Variants in LAMB4 observed in about 807,000 individuals in gnomAD.
The protein encoded by LAMB4 is laminin subunit beta-4.
LAMB4 carries 196 observed loss-of-function variants against 199.2 expected under a neutral mutation model. The ratio of observed to expected loss-of-function variants is 0.98; its 90% CI spans 0.88 to 1.11. LAMB4 has a LOEUF of 1.11. Among genes scored for constraint, LAMB4 ranks in the 50% least tolerant of loss-of-function variants. The pLI, the probability that LAMB4 is intolerant of heterozygous loss-of-function variation, is 0.00. For missense variants in LAMB4, 2,080 were observed against 2,171.2 expected (o/e 0.96, Z 0.83); for synonymous variants, 744 against 770.6 (o/e 0.97, Z 0.57).
intron 3 of LAMB4, among the ~76,000 whole-genome samples, chr7:108,113,433 G>A (rs2038300085): frequency 6.6e-6 from 1 of 152,182 alleles, no homozygotes; most frequent in Non-Finnish European, 1.5e-5. Flanking sequence ...CCCTTCGAGA[G>A]ATTCATATAA....
intron 28 of LAMB4, among the ~76,000 whole-genome samples, chr7:108,047,526 C>T (rs1032018780): frequency 1.3e-5 from 2 of 152,088 alleles, no homozygotes; most frequent in South Asian, 4.1e-4. Flanking sequence ...ATAATACATA[C>T]ATAAATATAT....
At chr7:108,054,863 T>TA (rs1309463143) in intron 25 of LAMB4, among the ~76,000 whole-genome samples, 3 of 152,110 alleles carry the variant, frequency 2.0e-5, no homozygotes, top group African/African-American at 4.8e-5. Flanking sequence ...GGTTAAATTT[T>TA]AAAAAAAGAT....
At chr7:108,106,125 A>T in intron 7 of LAMB4, 94 bp from the exon 8 acceptor site, 1 of 996,994 alleles carries the variant, frequency 1.0e-6, no homozygotes, top group Non-Finnish European at 1.5e-6. Context: ...TACTATAGAA[A>T]AGAGATTACA....
intron 1 of LAMB4, among the ~76,000 whole-genome samples, chr7:108,125,627 T>G (rs1188874638): frequency 6.6e-6 from 1 of 152,106 alleles, no homozygotes; most frequent in Non-Finnish European, 1.5e-5. Flanking sequence ...CAGGGCAGAG[T>G]CCAAAGCAAA....
At chr7:108,121,912 C>G (rs996831245) in intron 2 of LAMB4, among the ~76,000 whole-genome samples, 2 of 152,154 alleles carry the variant, frequency 1.3e-5, no homozygotes, top group African/African-American at 4.8e-5. Context: ...ATGTAAGTGT[C>G]TATGTTCAAA....
chr7:108,125,257 G>C (rs2038737761), intron 1 of LAMB4, among the ~76,000 whole-genome samples: 1 of 152,164 alleles, frequency 6.6e-6, no homozygotes, highest in Admixed American at 6.5e-5. Context: ...CTTTCTTACT[G>C]CTTTTTTCTC....
At position 108,030,789 on chromosome 7, in the gene LAMB4, G is replaced by T. The variant is rs760980027; in HGVS notation, c.4992+17C>A. On this transcript the variant is annotated intron_variant, in intron 32 of 33. Coordinates refer to ENST00000388781, the MANE Select transcript of LAMB4 (RefSeq NM_007356.3). ...CCCTGCTTTTCTGCTCTTGGTGGCA[G>T]TGGTAGAACTAATGACCTTCTCAAG... 2 of 1,610,582 alleles carry T rather than the reference G, an allele frequency of 1.2e-6. No homozygotes were observed. Among genetic ancestry groups the T allele is most frequent in the East Asian group, 4.5e-5 (2 of 44,832 alleles).
At chr7:108,075,717 T>C (rs2036675019) in intron 17 of LAMB4, 1 of 152,224 alleles carries the variant, frequency 6.6e-6, no homozygotes, top group Non-Finnish European at 1.5e-5. Context: ...CCCAGCACTT[T>C]GGGAGGCTGA....
chr7:108,079,577 C>A, intron 15 of LAMB4, 24 bp downstream of exon 15: 1 of 1,559,422 alleles, frequency 6.4e-7, no homozygotes, highest in Non-Finnish European at 8.7e-7. Flanking sequence ...TTTTCACCAC[C>A]AAAGTTGGAG....
At chr7:108,109,065 A>C in intron 5 of LAMB4, 106 bp downstream of exon 5, 1 of 822,924 alleles carries the variant, frequency 1.2e-6, no homozygotes, top group Non-Finnish European at 2.1e-6. Context: ...GTCTGAACTT[A>C]TTCTGTTTTT....
chr7:108,080,297 T>C (rs577450167), intron 14 of LAMB4, among the ~76,000 whole-genome samples: 4 of 152,306 alleles, frequency 2.6e-5, no homozygotes, highest in Admixed American at 2.6e-4. Flanking sequence ...CCTAACATGA[T>C]TAATTAGAAT....
chr7:108,092,271 G>A lies in LAMB4; in HGVS notation c.1550+66C>T, dbSNP rs113567377. On this transcript the variant is annotated intron_variant, in intron 13 of 33. Transcript: ENST00000388781. ...AAATTTTTCACCTATGACTATGAGC[G>A]TATCAGAATAAAATGTGCTTTTATG... 2.3e-4 allele frequency: 283 copies of A among 1,215,818 alleles called. 1 individual carries two copies. In the African/African-American group the frequency reaches 3.3e-3, roughly 14 times the overall value. The allele number at this position is 1,215,818 out of a possible 1,614,324, so 75.3% of individuals were successfully genotyped here. A position where few individuals can be genotyped will look rare whatever the true frequency, so the allele number is the denominator to read the frequency against.
chr7:108,079,433 C>A (rs185171502), intron 15 of LAMB4, among the ~76,000 whole-genome samples, 168 bp downstream of exon 15: 17 of 152,294 alleles, frequency 1.1e-4, no homozygotes, highest in Non-Finnish European at 1.8e-4. Flanking sequence ...TGGCTCACTG[C>A]GCTGCTTCAA....
chr7:108,026,193 G>A (rs139314922), intron 33 of LAMB4, among the ~76,000 whole-genome samples: 4 of 152,252 alleles, frequency 2.6e-5, no homozygotes, highest in African/African-American at 9.6e-5. Flanking sequence ...GCCTCAGTGG[G>A]TTCCCTTCAT....
chr7:108,102,707 C>T (rs548405373), intron 10 of LAMB4, among the ~76,000 whole-genome samples: 38 of 152,184 alleles, frequency 2.5e-4, no homozygotes, highest in Non-Finnish European at 4.9e-4. Context: ...TGCATCTTAA[C>T]AGCAAAATTG....
At position 108,039,587 on chromosome 7, in the gene LAMB4, G is replaced by C. The variant is rs545713240; in HGVS notation, c.4472-1992C>G. Among the ~76,000 whole-genome samples, 50 of 151,156 alleles carry C rather than the reference G, an allele frequency of 3.3e-4. 1 individual carries two copies. The South Asian group carries it at 9.4e-3, about 28-fold the overall frequency. On this transcript the variant is annotated intron_variant, in intron 29 of 33. Coordinates refer to ENST00000388781, the MANE Select transcript of LAMB4 (RefSeq NM_007356.3). ...GGGTTCAAGTGATTCCCCTGTCTCA[G>C]CCTCCCAAATAGCTGGGATCATAGG...
intron 28 of LAMB4, among the ~76,000 whole-genome samples, chr7:108,044,690 G>A (rs900664706): frequency 5.9e-5 from 9 of 152,124 alleles, no homozygotes; most frequent in African/African-American, 9.7e-5. Flanking sequence ...GGTGGCTCAC[G>A]CCTGTAATCC....
chr7:108,115,241 C>T (rs187491282), intron 3 of LAMB4, among the ~76,000 whole-genome samples: 172 of 152,334 alleles, frequency 1.1e-3, no homozygotes, highest in Non-Finnish European at 1.9e-3. Flanking sequence ...TTAAGCAAAT[C>T]TTCCTTATTT....
intron 4 of LAMB4, 103 bp from the exon 5 acceptor site, chr7:108,109,347 G>A: frequency 1.2e-6 from 1 of 829,350 alleles, no homozygotes; most frequent in Non-Finnish European, 2.0e-6. Flanking sequence ...TCTCTTTGAT[G>A]CCACAAGGCT....
Sources: gnomAD v4.1 joint callset for allele counts (sites outside exome capture counted in the v4.1 genomes callset) on GRCh38, gnomAD v4.1.1 for gene constraint, MANE v1.5 for transcripts, NCBI Gene and HGNC (gene_info 2026-07-23, HGNC 2026-07-21) for gene names.